Variants in ZNF786 observed in about 807,000 individuals in gnomAD.
The protein encoded by ZNF786 is zinc finger protein 786.
A neutral mutation model predicts 63.1 loss-of-function variants in ZNF786; 56 were observed. The ratio of observed to expected loss-of-function variants is 0.89; its 90% CI spans 0.72 to 1.11. The LOEUF is 1.11. Among genes scored for constraint, ZNF786 ranks in the 50% least tolerant of loss-of-function variants. The pLI, the probability that ZNF786 is intolerant of heterozygous loss-of-function variation, is 0.00. For missense variants in ZNF786, 1,213 were observed against 1,041.8 expected (o/e 1.16, Z -2.26); for synonymous variants, 485 against 406.9 (o/e 1.19, Z -2.31).
intron 3 of ZNF786, 22 bp downstream of exon 3, chr7:149,074,364 G>A: frequency 6.2e-7 from 1 of 1,611,886 alleles, no homozygotes; most frequent in Middle Eastern, 1.7e-4. Context: ...CAAGGTCGGG[G>A]CCCTGATTTC....
intron 2 of ZNF786, among the ~76,000 whole-genome samples, chr7:149,077,066 C>T (rs1585464931): frequency 6.6e-6 from 1 of 152,180 alleles, no homozygotes; most frequent in African/African-American, 2.4e-5. Flanking sequence ...TGACAACACA[C>T]GATGCTATCA....
At chr7:149,080,191 A>T (rs1284458464) in intron 2 of ZNF786, among the ~76,000 whole-genome samples, 4 of 152,030 alleles carry the variant, frequency 2.6e-5, no homozygotes, top group African/African-American at 9.7e-5. Context: ...ACACCCTTCC[A>T]AAATAGCTTT....
At chr7:149,083,186 C>A (rs987052432) in intron 1 of ZNF786, among the ~76,000 whole-genome samples, 2 of 151,934 alleles carry the variant, frequency 1.3e-5, no homozygotes, top group East Asian at 1.9e-4. Flanking sequence ...CGCGAGCCAC[C>A]GCACCCAGCC....
Position 149,072,071 on chromosome 7 carries a change from G to A in ZNF786, c.701C>T (p.Pro234Leu), listed in dbSNP as rs1194977614. 2 of 1,613,246 alleles carry A rather than the reference G, an allele frequency of 1.2e-6. No homozygotes were observed. The change falls in exon 4 of 4, where the codon CCT becomes CTT. Residue 234 changes from proline (P) to leucine (L), a missense_variant. By Grantham distance (98) the Pro-to-Leu change is moderately conservative. Coordinates refer to ENST00000491431, the MANE Select transcript of ZNF786 (RefSeq NM_152411.4). ...RAETQMPWSS[P>L]RVQRHFRCGV... ...ACACCGGAAGTGCCTCTGTACCCGA[G>A]GGCTGCTCCACGGCATCTGCGTCTC...
At position 149,071,535 on chromosome 7, in the gene ZNF786, G is replaced by A. The variant is rs1563136366; in HGVS notation, c.1237C>T (p.Gln413Ter). 5 of 1,612,682 alleles carry A rather than the reference G, an allele frequency of 3.1e-6. No individual in the cohort carries two copies. Among genetic ancestry groups the A allele is most frequent in the East Asian group, 2.2e-5 (1 of 44,808 alleles). ...TKRFRLRRLL[Q>*]VHQHAHGGER... ...CCACCGTGCGCGTGCTGGTGGACCT[G>A]CAGCAGGCGGCGCAGGCGGAAGCGC... The change falls in exon 4 of 4, where the codon CAG becomes TAG. Residue 413 changes from glutamine (Q) to a stop codon, truncating the protein, a stop_gained. Coordinates refer to ENST00000491431, the MANE Select transcript of ZNF786 (RefSeq NM_152411.4). LOFTEE classifies it high-confidence loss of function.
chr7:149,072,633 T>A (rs926864294), intron 3 of ZNF786, among the ~76,000 whole-genome samples, 160 bp from the exon 4 acceptor site: 1 of 152,066 alleles, frequency 6.6e-6, no homozygotes, highest in African/African-American at 2.4e-5. Flanking sequence ...TGGCCGTGAG[T>A]TTGGTGAGTC....
At chr7:149,079,025 G>A (rs972546773) in intron 2 of ZNF786, among the ~76,000 whole-genome samples, 2 of 152,170 alleles carry the variant, frequency 1.3e-5, no homozygotes, top group East Asian at 3.9e-4. Flanking sequence ...GTTATTGGAA[G>A]CGTATTTAGA....
chr7:149,086,984 A>G (rs1020112134), intron 1 of ZNF786, among the ~76,000 whole-genome samples: 2 of 151,986 alleles, frequency 1.3e-5, no homozygotes, highest in African/African-American at 4.8e-5. Flanking sequence ...CTGGGACTAC[A>G]GGCGCCTGCC....
chr7:149,086,449 T>G (rs1260256750), intron 1 of ZNF786, among the ~76,000 whole-genome samples: 1 of 152,094 alleles, frequency 6.6e-6, no homozygotes, highest in Non-Finnish European at 1.5e-5. Flanking sequence ...CCAATATGGC[T>G]AAACCCTGTC....
intron 2 of ZNF786, 116 bp downstream of exon 2, chr7:149,080,473 ACC>A: frequency 9.6e-7 from 1 of 1,043,548 alleles, no homozygotes; most frequent in Non-Finnish European, 1.3e-6. Flanking sequence ...GGGTAAAAAT[ACC>A]CTTCTGAGTT....
chr7:149,087,723 C>T (rs1208746236), intron 1 of ZNF786, among the ~76,000 whole-genome samples: 4 of 152,148 alleles, frequency 2.6e-5, no homozygotes, highest in Non-Finnish European at 4.4e-5. Context: ...CCTTTCACCA[C>T]TTCACAATAG....
chr7:149,073,314 A>AGAG (rs1236737556), intron 3 of ZNF786, among the ~76,000 whole-genome samples: 5 of 152,222 alleles, frequency 3.3e-5, no homozygotes, highest in Non-Finnish European at 5.9e-5. Flanking sequence ...GAAATGAAAG[A>AGAG]GAGGAGCTCA....
Position 149,071,756 on chromosome 7 carries a change from C to A in ZNF786, c.1016G>T (p.Gly339Val). 1.3e-6 allele frequency: 2 copies of A among 1,588,366 alleles called. 1 individual carries two copies. The highest frequency in any genetic ancestry group is 1.7e-6 in the Non-Finnish European group (2 of 1,174,394). The stretch of plus-strand genomic sequence containing the variant: ...GGGCAGGCGCGAGCCTGGTTTCTGT[C>A]CCGAGTGCACACTGCTGGAGGCCCC... ...GRGASSSVHS[G>V]QKPGSRLPQE... Residue 339 changes from glycine to valine, a missense_variant, in exon 4 of 4, where the codon GGA (glycine) becomes GTA (valine). Gly to Val is a moderately radical substitution (Grantham distance 109). Transcript: ENST00000491431.
At chr7:149,072,683 T>C (rs537713809) in intron 3 of ZNF786, among the ~76,000 whole-genome samples, 3 of 152,094 alleles carry the variant, frequency 2.0e-5, no homozygotes, top group Non-Finnish European at 2.9e-5. Context: ...TTGGATAATA[T>C]TGAAAAAAGG....
chr7:149,071,983 C>T lies in ZNF786; in HGVS notation c.789G>A (p.Thr263=), dbSNP rs781740244. 5.0e-6 allele frequency: 8 copies of T among 1,612,568 alleles called. No individual in the cohort carries two copies. Among genetic ancestry groups the T allele is most frequent in the Non-Finnish European group, 5.9e-6 (7 of 1,179,858 alleles). ...LCLLRHLAAH[T]GRGPFRNADG... The stretch of plus-strand genomic sequence containing the variant: ...CAGCGTTCCGGAAGGGGCCCCTCCC[C>T]GTGTGGGCCGCCAGATGGCGCAGCA... The change falls in exon 4 of 4, where the codon ACG becomes ACA. Residue 263 remains threonine (T), a synonymous_variant. Coordinates refer to ENST00000491431, the MANE Select transcript of ZNF786 (RefSeq NM_152411.4).
chr7:149,073,628 AATAT>A (rs1825471332), intron 3 of ZNF786, among the ~76,000 whole-genome samples: 1 of 150,940 alleles, frequency 6.6e-6, no homozygotes, highest in South Asian at 2.1e-4. Context: ...ACTGTCTCTC[AATAT>A]ATATACACAT....
At position 149,070,578 on chromosome 7, in the gene ZNF786, A is replaced by ATTGT; in HGVS notation, c.2193_2194insACAA (p.Phe732ThrfsTer16). 6.2e-7 allele frequency: 1 copy of ATTGT among 1,613,998 alleles called. No individual in the cohort carries two copies. Among genetic ancestry groups the ATTGT allele is most frequent in the South Asian group, 1.1e-5 (1 of 91,084 alleles). ...CCCTTCCCACAATCGCCACAGGCAA[A>ATTGT]GGGCCTCTCGGGCCTGTGGATGCGC... is the stretch of plus-strand genomic sequence containing the variant. On this transcript the variant is annotated frameshift_variant, in exon 4 of 4. Coordinates refer to ENST00000491431, the MANE Select transcript of ZNF786 (RefSeq NM_152411.4). LOFTEE classifies it high-confidence loss of function.
chr7:149,077,607 G>A (rs190473180), intron 2 of ZNF786, among the ~76,000 whole-genome samples: 109 of 152,036 alleles, frequency 7.2e-4, no homozygotes, highest in African/African-American at 2.2e-3. Context: ...CAGCCTGGGC[G>A]ACAGAGGGAG....
At chr7:149,089,434 G>A (rs1162412654) in intron 1 of ZNF786, among the ~76,000 whole-genome samples, 1 of 151,966 alleles carries the variant, frequency 6.6e-6, no homozygotes, top group Non-Finnish European at 1.5e-5. Flanking sequence ...CCCTACCTCA[G>A]CCTCCCGAGG....
Sources: gnomAD v4.1 joint callset for allele counts (sites outside exome capture counted in the v4.1 genomes callset) on GRCh38, gnomAD v4.1.1 for gene constraint, MANE v1.5 for transcripts, NCBI Gene and HGNC (gene_info 2026-07-23, HGNC 2026-07-21) for gene names.